Variants in MACROD2 observed in about 807,000 individuals in gnomAD.
MACROD2 encodes the protein mono-ADP ribosylhydrolase 2.
MACROD2 carries 36 observed loss-of-function variants against 70.4 expected under a neutral mutation model. The observed-to-expected ratio is 0.51, with a 90% CI of 0.39 to 0.68. The LOEUF is 0.68. Among genes scored for constraint, MACROD2 ranks in the 30% least tolerant of loss-of-function variants. MACROD2 has a pLI of 0.00. For missense variants in MACROD2, 496 were observed against 538.4 expected, an observed-to-expected ratio of 0.92 and a Z score of 0.78; for synonymous variants, 172 against 178.8, an observed-to-expected ratio of 0.96 and a Z score of 0.30.
intron 3 of MACROD2, among the ~76,000 whole-genome samples, chr20:14,206,398 G>GAC (rs2081523277): frequency 6.6e-6 from 1 of 152,164 alleles, no homozygotes; most frequent in Non-Finnish European, 1.5e-5. Context: ...CTTAAAGTTT[G>GAC]AAGACCAGTT....
chr20:14,119,263 G>A (rs370529066), intron 3 of MACROD2, among the ~76,000 whole-genome samples: 27 of 147,802 alleles, frequency 1.8e-4, no homozygotes, highest in African/African-American at 6.3e-4. Flanking sequence ...CGCCTCCTGG[G>A]TTCAAGTGAT....
intron 6 of MACROD2, among the ~76,000 whole-genome samples, chr20:15,377,388 G>C (rs1347490546): frequency 6.6e-6 from 1 of 152,138 alleles, no homozygotes; most frequent in Admixed American, 6.6e-5. Flanking sequence ...AGATTATTTT[G>C]CTTCATTTTT....
In MACROD2 at chr20:14,270,944, C is replaced by T. The variant is rs552208252; in HGVS notation, c.271+185216C>T. 2.8e-3 allele frequency among the ~76,000 whole-genome samples: 426 copies of T among 152,330 alleles called. 3 individuals are homozygous for T. Among genetic ancestry groups the T allele is most frequent in the Admixed American group, 3.6e-3 (55 of 15,298 alleles). Reference sequence around the variant, plus strand: ...GGCCGCAGCGAGGCTGGGGGAGGAGCGCCCGCCATTGCCCAGGCTTGCTTA... The same window carrying T: ...GGCCGCAGCGAGGCTGGGGGAGGAGTGCCCGCCATTGCCCAGGCTTGCTTA... On this transcript the variant is annotated intron_variant, in intron 3 of 17. Coordinates refer to ENST00000684519, the MANE Select transcript of MACROD2 (RefSeq NM_001351661.2).
rs138887583 is a variant in MACROD2 at position 15,730,517 on chromosome 20, A to G, written c.646-132228A>G. On this transcript the variant is annotated intron_variant, in intron 8 of 17. Coordinates refer to ENST00000684519, the MANE Select transcript of MACROD2 (RefSeq NM_001351661.2). ...TTAAGAATGCTGACTATAGCCCTCA[A>G]TCTCTTCTGGCTTGTGGGGTTTCTG... Among the ~76,000 whole-genome samples the G allele has an allele frequency of 1.1e-4, 17 of 152,218 alleles. No individual in the cohort carries two copies. In the East Asian group the frequency reaches 2.9e-3, roughly 26 times the overall value.
chr20:14,772,121 T>C (rs961409821), intron 5 of MACROD2, among the ~76,000 whole-genome samples: 2 of 152,076 alleles, frequency 1.3e-5, no homozygotes, highest in Non-Finnish European at 2.9e-5. Context: ...CTTTAGACTG[T>C]TAAAAATTTT....
At chr20:15,749,084 A>G (rs1600838989) in intron 8 of MACROD2, among the ~76,000 whole-genome samples, 1 of 152,122 alleles carries the variant, frequency 6.6e-6, no homozygotes, top group African/African-American at 2.4e-5. Context: ...TGACATTTTT[A>G]TATGTTCTTG....
At chr20:14,623,470 A>G (rs972202718) in intron 4 of MACROD2, among the ~76,000 whole-genome samples, 3 of 152,194 alleles carry the variant, frequency 2.0e-5, no homozygotes, top group Non-Finnish European at 4.4e-5. Flanking sequence ...GTGTTAACAT[A>G]TTGCTAAAAT....
chr20:15,470,530 C>T (rs540516009), intron 7 of MACROD2, among the ~76,000 whole-genome samples: 6 of 152,254 alleles, frequency 3.9e-5, no homozygotes, highest in Admixed American at 3.3e-4. Context: ...CTGCGGAGTA[C>T]GGAGGAAGAG....
chr20:15,752,519 C>T (rs937593160), intron 8 of MACROD2, among the ~76,000 whole-genome samples: 2 of 152,120 alleles, frequency 1.3e-5, no homozygotes, highest in South Asian at 2.1e-4. Context: ...AGTCCAATTA[C>T]AGAACCTGCC....
intron 10 of MACROD2, among the ~76,000 whole-genome samples, chr20:15,929,131 G>A (rs1251796323): frequency 6.6e-6 from 1 of 152,084 alleles, no homozygotes; most frequent in Admixed American, 6.6e-5. Context: ...ATGTAGGCTG[G>A]GCTCAGTGGG....
intron 6 of MACROD2, among the ~76,000 whole-genome samples, chr20:15,268,590 T>G (rs2077318085): frequency 6.6e-6 from 1 of 152,108 alleles, no homozygotes; most frequent in African/African-American, 2.4e-5. Flanking sequence ...AAGGCAGAGG[T>G]TGCAGTGGGC....
intron 5 of MACROD2, among the ~76,000 whole-genome samples, chr20:14,878,292 T>C (rs1452563592): frequency 6.6e-6 from 1 of 152,164 alleles, no homozygotes. Flanking sequence ...GTATGGCATT[T>C]GTACGCAAAG....
chr20:14,375,601 C>A (rs1038104339), intron 3 of MACROD2, among the ~76,000 whole-genome samples: 2 of 151,920 alleles, frequency 1.3e-5, no homozygotes, highest in Non-Finnish European at 2.9e-5. Flanking sequence ...CTAGGTGAAA[C>A]AGAGATTGGC....
intron 15 of MACROD2, among the ~76,000 whole-genome samples, chr20:16,005,878 C>T (rs1469160930): frequency 6.6e-6 from 1 of 152,200 alleles, no homozygotes; most frequent in Non-Finnish European, 1.5e-5. Context: ...TCTTCCTTTT[C>T]CCCTATTGTT....
chr20:14,169,615 T>C (rs2081202124), intron 3 of MACROD2, among the ~76,000 whole-genome samples: 1 of 152,168 alleles, frequency 6.6e-6, no homozygotes, highest in East Asian at 1.9e-4. Flanking sequence ...ATTATACTTC[T>C]TTTAAAAAAT....
intron 4 of MACROD2, among the ~76,000 whole-genome samples, chr20:14,529,687 C>A (rs964112095): frequency 6.6e-6 from 1 of 151,950 alleles, no homozygotes. Context: ...TTCCCAGAGG[C>A]ACATAGTCAT....
chr20:15,034,477 A>G (rs1378827215), intron 5 of MACROD2, among the ~76,000 whole-genome samples: 5 of 152,120 alleles, frequency 3.3e-5, no homozygotes, highest in African/African-American at 1.2e-4. Flanking sequence ...AGTTTAGGGT[A>G]CTTTGAAGAG....
intron 3 of MACROD2, among the ~76,000 whole-genome samples, chr20:14,098,863 G>T (rs545888998): frequency 1.3e-5 from 2 of 152,270 alleles, no homozygotes; most frequent in Admixed American, 6.5e-5. Context: ...CAAAGTTTTT[G>T]TATTATATAT....
intron 5 of MACROD2, among the ~76,000 whole-genome samples, chr20:15,031,372 C>A (rs906725935): frequency 6.6e-6 from 1 of 152,176 alleles, no homozygotes; most frequent in African/African-American, 2.4e-5. Flanking sequence ...TGTGTTACAA[C>A]TCTTTCAGTC....
Sources: allele counts gnomAD v4.1 joint callset (sites outside exome capture counted in the v4.1 genomes callset), GRCh38; gene constraint gnomAD v4.1.1; transcripts MANE v1.5; gene names NCBI Gene and HGNC (gene_info 2026-07-23, HGNC 2026-07-21).